RIMS2: variants seen among roughly 807,000 people sequenced by gnomAD.
RIMS2 encodes the protein regulating synaptic membrane exocytosis protein 2.
Under a neutral mutation model 174.4 loss-of-function variants are expected in RIMS2, and 59 were observed. The ratio of observed to expected loss-of-function variants is 0.34; its 90% CI spans 0.27 to 0.42. The LOEUF (loss-of-function observed/expected upper bound fraction) is 0.42, where lower values mean the gene tolerates loss of function less well. Among genes scored for constraint, RIMS2 ranks in the 10% least tolerant of loss-of-function variants. The pLI, the probability that RIMS2 is intolerant of heterozygous loss-of-function variation, is 1.00. For missense variants in RIMS2, 1,620 were observed against 1,666.3 expected, an observed-to-expected ratio of 0.97 and a Z score of 0.48; for synonymous variants, 606 against 572.5, an observed-to-expected ratio of 1.06 and a Z score of -0.84.
intron 19 of RIMS2, among the ~76,000 whole-genome samples, chr8:104,060,313 C>T (rs955772478): frequency 1.1e-4 from 16 of 150,116 alleles, no homozygotes; most frequent in African/African-American, 3.9e-4. Context: ...GTGTATGTGT[C>T]GAGGAATTTA....
intron 1 of RIMS2, among the ~76,000 whole-genome samples, chr8:103,601,447 T>C (rs1195254361): frequency 6.6e-6 from 1 of 152,194 alleles, no homozygotes. Flanking sequence ...TTACAGTTTT[T>C]ATCTTGAAAT....
chr8:103,636,990 G>A (rs969125812), intron 1 of RIMS2, among the ~76,000 whole-genome samples: 2 of 152,154 alleles, frequency 1.3e-5, no homozygotes, highest in African/African-American at 4.8e-5. Flanking sequence ...CAAGATAGTT[G>A]AGCCCTTGAT....
At chr8:103,682,742 C>T (rs1368347819) in intron 1 of RIMS2, among the ~76,000 whole-genome samples, 1 of 152,018 alleles carries the variant, frequency 6.6e-6, no homozygotes, top group Non-Finnish European at 1.5e-5. Context: ...TTCTTAGTAC[C>T]TCAAACTAAA....
intron 19 of RIMS2, among the ~76,000 whole-genome samples, chr8:104,016,570 A>C (rs1323731175): frequency 6.6e-6 from 1 of 151,968 alleles, no homozygotes; most frequent in Non-Finnish European, 1.5e-5. Context: ...ATAGTTCTTA[A>C]TTATTTGCTT....
At chr8:104,224,549 G>T (rs753019454) in intron 19 of RIMS2, among the ~76,000 whole-genome samples, 17 of 152,126 alleles carry the variant, frequency 1.1e-4, no homozygotes, top group Non-Finnish European at 1.8e-4. Flanking sequence ...CCCAACATTT[G>T]AAATATTTAT....
At chr8:103,600,423 C>G (rs1446013917) in intron 1 of RIMS2, among the ~76,000 whole-genome samples, 1 of 152,150 alleles carries the variant, frequency 6.6e-6, no homozygotes, top group African/African-American at 2.4e-5. Context: ...GCATGTGCCA[C>G]CATGCCTCGC....
chr8:104,197,744 C>CAG (rs1355705065), intron 19 of RIMS2, among the ~76,000 whole-genome samples: 3 of 151,894 alleles, frequency 2.0e-5, no homozygotes. Context: ...TGGTCAGGGA[C>CAG]AGAGAGTTGG....
intron 3 of RIMS2, among the ~76,000 whole-genome samples, chr8:103,797,233 G>A (rs1471061966): frequency 6.6e-6 from 1 of 152,016 alleles, no homozygotes; most frequent in Non-Finnish European, 1.5e-5. Flanking sequence ...CTTCCTGTAT[G>A]TTTTTCTAGC....
chr8:103,886,156 G>A, exon 4 of RIMS2: 1 of 1,612,712 alleles, frequency 6.2e-7, no homozygotes, highest in Non-Finnish European at 8.5e-7. Context: ...AGGAGGAATT[G>A]GCTTCCACGC....
intron 19 of RIMS2, among the ~76,000 whole-genome samples, chr8:104,030,744 CTTCT>C (rs2096373681): frequency 6.6e-6 from 1 of 152,154 alleles, no homozygotes; most frequent in African/African-American, 2.4e-5. Context: ...CAAAAGTTGC[CTTCT>C]TAGAGAAGAC....
chr8:103,569,823 G>T (rs947938536), intron 1 of RIMS2, among the ~76,000 whole-genome samples: 1 of 147,672 alleles, frequency 6.8e-6, no homozygotes, highest in Admixed American at 6.8e-5. Context: ...ACAGGGTCTT[G>T]CTATGTCTGG....
intron 16 of RIMS2, among the ~76,000 whole-genome samples, chr8:103,985,901 T>G (rs2094325173): frequency 6.6e-6 from 1 of 152,144 alleles, no homozygotes; most frequent in African/African-American, 2.4e-5. Context: ...AACTTATATA[T>G]AGAATCTAAA....
intron 19 of RIMS2, among the ~76,000 whole-genome samples, chr8:104,042,272 G>A (rs570543092): frequency 6.6e-6 from 1 of 151,646 alleles, no homozygotes; most frequent in African/African-American, 2.4e-5. Context: ...TTCAGGCAGA[G>A]GAAACAGTAT....
intron 16 of RIMS2, chr8:103,976,017 G>A (rs996657336): frequency 6.6e-6 from 1 of 152,568 alleles, no homozygotes; most frequent in Non-Finnish European, 1.5e-5. Context: ...ATATTCAAAT[G>A]TCAGTCTCCT....
At chr8:103,862,025 G>T (rs370176417) in intron 3 of RIMS2, among the ~76,000 whole-genome samples, 1 of 151,746 alleles carries the variant, frequency 6.6e-6, no homozygotes, top group Non-Finnish European at 1.5e-5. Context: ...TTTGCTTTTG[G>T]GCTCGTAGTC....
intron 4 of RIMS2, among the ~76,000 whole-genome samples, chr8:103,906,939 T>C (rs568504938): frequency 5.1e-4 from 77 of 152,336 alleles, no homozygotes; most frequent in Non-Finnish European, 2.6e-4. Context: ...TTTACCAATA[T>C]TGTAATTATT....
intron 1 of RIMS2, among the ~76,000 whole-genome samples, chr8:103,513,524 A>T (rs1443565941): frequency 6.6e-6 from 1 of 152,174 alleles, no homozygotes; most frequent in Non-Finnish European, 1.5e-5. Flanking sequence ...TCAAACATTG[A>T]TATTTCTCTC....
chr8:104,126,727 G>A (rs1040705564), intron 19 of RIMS2, among the ~76,000 whole-genome samples: 11 of 152,202 alleles, frequency 7.2e-5, no homozygotes, highest in Admixed American at 4.6e-4. Context: ...AGAAGCTGTT[G>A]TTTTTATGTA....
chr8:104,228,431 TAATC>T (rs1485808839), intron 19 of RIMS2, among the ~76,000 whole-genome samples: 1 of 152,218 alleles, frequency 6.6e-6, no homozygotes, highest in Admixed American at 6.5e-5. Context: ...TAATTCTTAA[TAATC>T]AGTCCCATTT....
Sources: allele counts gnomAD v4.1 joint callset (sites outside exome capture counted in the v4.1 genomes callset), GRCh38; gene constraint gnomAD v4.1.1; transcripts MANE v1.5; gene names NCBI Gene and HGNC (gene_info 2026-07-23, HGNC 2026-07-21).